TTC27: variants seen among roughly 807,000 people sequenced by gnomAD.
TTC27 encodes tetratricopeptide repeat domain 27.
TTC27 carries 79 observed loss-of-function variants against 115.9 expected under a neutral mutation model. That is an observed-to-expected ratio of 0.68 (90% CI 0.57 to 0.82). The LOEUF (loss-of-function observed/expected upper bound fraction) is 0.82. Ranked by LOEUF, TTC27 falls within the 40% of genes least tolerant of loss-of-function variation. TTC27 has a pLI of 0.00. For missense variants in TTC27, 1,054 were observed against 993.1 expected (o/e 1.06, Z -0.82); for synonymous variants, 401 against 356.0 (o/e 1.13, Z -1.42).
intron 16 of TTC27, among the ~76,000 whole-genome samples, 182 bp downstream of exon 16, chr2:32,787,331 C>T (rs1670382985): frequency 1.3e-5 from 2 of 152,088 alleles, no homozygotes; most frequent in South Asian, 4.1e-4. Flanking sequence ...ATTCTAATGT[C>T]AAATTTGTTT....
In TTC27 at chr2:32,681,801, A is replaced by T. The variant is rs1485774313; in HGVS notation, c.1119+2879A>T. ...TGACTTAGGACATTTACAACTCATGATGGATTTATCAGGATGTAACTCCAT... is the reference window on the plus strand; with the variant it reads ...TGACTTAGGACATTTACAACTCATGTTGGATTTATCAGGATGTAACTCCAT... On this transcript the variant is annotated intron_variant, in intron 9 of 19. Transcript: ENST00000317907. 2.6e-5 allele frequency among the ~76,000 whole-genome samples: 4 copies of T among 152,176 alleles called. No homozygotes were observed. In the East Asian group the frequency reaches 7.7e-4, roughly 29 times the overall value.
intron 10 of TTC27, among the ~76,000 whole-genome samples, chr2:32,724,345 G>A (rs1274344504): frequency 6.6e-6 from 1 of 152,146 alleles, no homozygotes; most frequent in Non-Finnish European, 1.5e-5. Context: ...CCTTTTCACT[G>A]TGTTGATATT....
chr2:32,745,807 G>T (rs1428535891), intron 12 of TTC27, among the ~76,000 whole-genome samples: 2 of 152,188 alleles, frequency 1.3e-5, no homozygotes, highest in Admixed American at 6.5e-5. Context: ...CTAACTGGCT[G>T]GAGCTAAGCA....
intron 11 of TTC27, among the ~76,000 whole-genome samples, chr2:32,736,260 A>G (rs1203803764): frequency 6.6e-6 from 1 of 152,162 alleles, no homozygotes; most frequent in African/African-American, 2.4e-5. Flanking sequence ...AAAGAGCTAG[A>G]TATGCCCTTC....
intron 10 of TTC27, among the ~76,000 whole-genome samples, chr2:32,728,037 CTTTTTTT>C (rs564322443): frequency 0.016 from 1,653 of 105,338 alleles, 31 homozygotes; most frequent in African/African-American, 0.053. Context: ...AGGACTGCCT[CTTTTTTT>C]TTTTTTTTTT....
intron 19 of TTC27, among the ~76,000 whole-genome samples, chr2:32,817,808 C>T (rs917898256): frequency 6.6e-6 from 1 of 152,192 alleles, no homozygotes; most frequent in African/African-American, 2.4e-5. Context: ...GTAATCCCAG[C>T]ACTTTGGGAG....
chr2:32,665,306 A>G (rs1396129377), intron 6 of TTC27, among the ~76,000 whole-genome samples: 1 of 152,202 alleles, frequency 6.6e-6, no homozygotes, highest in Non-Finnish European at 1.5e-5. Flanking sequence ...AACTTGGAAC[A>G]CTGGCCAAGT....
intron 19 of TTC27, among the ~76,000 whole-genome samples, chr2:32,817,930 G>A (rs1442315411): frequency 6.6e-6 from 1 of 152,062 alleles, no homozygotes; most frequent in Non-Finnish European, 1.5e-5. Context: ...GGTTGCGGGT[G>A]TCTGTAATCC....
At chr2:32,760,189 A>C (rs78494354) in intron 13 of TTC27, among the ~76,000 whole-genome samples, 249 of 152,352 alleles carry the variant, frequency 1.6e-3, no homozygotes, top group Admixed American at 3.9e-3. Flanking sequence ...TGGTGAATAT[A>C]ATTAGAACTT....
intron 12 of TTC27, among the ~76,000 whole-genome samples, chr2:32,751,293 CACACACACAT>C (rs1669003330): frequency 6.6e-6 from 1 of 151,500 alleles, no homozygotes; most frequent in Non-Finnish European, 1.5e-5. Flanking sequence ...CACACACACA[CACACACACAT>C]GCACACACAT....
intron 12 of TTC27, among the ~76,000 whole-genome samples, chr2:32,741,621 C>T (rs1242142911): frequency 6.6e-6 from 1 of 151,676 alleles, no homozygotes; most frequent in African/African-American, 2.4e-5. Flanking sequence ...CACTGCCCTC[C>T]AGCCTGGGTG....
At chr2:32,707,873 G>C (rs903914803) in intron 10 of TTC27, among the ~76,000 whole-genome samples, 4 of 152,038 alleles carry the variant, frequency 2.6e-5, no homozygotes, top group Non-Finnish European at 5.9e-5. Flanking sequence ...TTGGATAGAT[G>C]GCTGGTTTTA....
At chr2:32,815,086 A>G (rs1671454408) in intron 18 of TTC27, among the ~76,000 whole-genome samples, 1 of 152,134 alleles carries the variant, frequency 6.6e-6, no homozygotes, top group South Asian at 2.1e-4. Flanking sequence ...GAAGGTATAC[A>G]TTTATAGTTT....
chr2:32,804,452 A>T (rs1212196820), intron 16 of TTC27, among the ~76,000 whole-genome samples: 1 of 152,234 alleles, frequency 6.6e-6, no homozygotes, highest in African/African-American at 2.4e-5. Context: ...CAGCACATGG[A>T]AACAGCCTAG....
intron 4 of TTC27, among the ~76,000 whole-genome samples, chr2:32,642,945 A>G (rs1228615565): frequency 6.6e-6 from 1 of 151,886 alleles, no homozygotes; most frequent in Non-Finnish European, 1.5e-5. Context: ...CCGAGATTAT[A>G]GGCATAAGCC....
chr2:32,696,702 A>T (rs529506576), intron 9 of TTC27, among the ~76,000 whole-genome samples: 1 of 152,194 alleles, frequency 6.6e-6, no homozygotes, highest in Non-Finnish European at 1.5e-5. Context: ...TCTGACTTCA[A>T]TTCTTTCAGG....
rs1670527858 is a variant in TTC27 at position 32,791,335 on chromosome 2, T to C, written c.1998+4186T>C. ...TGGGCAACATTTTGGGAAAATAATTTAAGTATTGCATTATTGACATTCATT... is the reference window on the plus strand; with the variant it reads ...TGGGCAACATTTTGGGAAAATAATTCAAGTATTGCATTATTGACATTCATT... On this transcript the variant is annotated intron_variant, in intron 16 of 19. Coordinates refer to ENST00000317907, the MANE Select transcript of TTC27 (RefSeq NM_017735.5). 2.0e-5 allele frequency among the ~76,000 whole-genome samples: 3 copies of C among 152,342 alleles called. No individual in the cohort carries two copies. The South Asian group carries it at 6.2e-4, about 32-fold the overall frequency.
chr2:32,769,687 A>G (rs1188685737), intron 13 of TTC27, among the ~76,000 whole-genome samples: 1 of 152,206 alleles, frequency 6.6e-6, no homozygotes. Context: ...AATAAGGAAT[A>G]GTATTAAAAA....
intron 7 of TTC27, among the ~76,000 whole-genome samples, chr2:32,667,806 C>T (rs1314099097): frequency 6.6e-6 from 1 of 150,928 alleles, no homozygotes; most frequent in Non-Finnish European, 1.5e-5. Flanking sequence ...GTAATCCCAG[C>T]ACTTTGGGAG....
Sources: gnomAD v4.1 joint callset for allele counts (sites outside exome capture counted in the v4.1 genomes callset) on GRCh38, gnomAD v4.1.1 for gene constraint, MANE v1.5 for transcripts, NCBI Gene and HGNC (gene_info 2026-07-23, HGNC 2026-07-21) for gene names.